Variants in NOP14 observed in about 807,000 individuals in gnomAD.
The protein encoded by NOP14 is NOP14 nucleolar protein, also known as nucleolar protein 14.
A neutral mutation model predicts 101.6 loss-of-function variants in NOP14; 57 were observed. The ratio of observed to expected loss-of-function variants is 0.56; its 90% CI spans 0.45 to 0.70. The LOEUF (loss-of-function observed/expected upper bound fraction) is 0.70, where lower values mean the gene tolerates loss of function less well. Among genes scored for constraint, NOP14 ranks in the 30% least tolerant of loss-of-function variants. The pLI, the probability that NOP14 is intolerant of heterozygous loss-of-function variation, is 0.00. For missense variants in NOP14, 1,134 were observed against 1,075.5 expected, an observed-to-expected ratio of 1.05 and a Z score of -0.76; for synonymous variants, 428 against 424.0, an observed-to-expected ratio of 1.01 and a Z score of -0.12.
chr4:2,941,433 T>G, intron 15 of NOP14, 149 bp downstream of exon 15: 1 of 707,930 alleles, frequency 1.4e-6, no homozygotes, highest in East Asian at 2.7e-5. Context: ...CCCACTCTTA[T>G]GATTTTACTT....
chr4:2,956,830 A>G lies in NOP14; in HGVS notation c.331-19T>C. ...GATGTCGCTGACAGAAGAGAAAAAA[A>G]GTTTCCTAAAATTACCACTTCCATT... On this transcript the variant is annotated intron_variant, in intron 2 of 17. Transcript: ENST00000416614. The G allele has an allele frequency of 6.4e-7, 1 of 1,569,996 alleles. No individual in the cohort carries two copies.
chr4:2,947,101 G>C (rs1352948115), intron 10 of NOP14: 1 of 226,530 alleles, frequency 4.4e-6, no homozygotes, highest in African/African-American at 2.3e-5. Context: ...TCGCCCTGGC[G>C]GTCCCCATGC....
In NOP14 at chr4:2,954,488, C is replaced by T. The variant is rs776178707; in HGVS notation, c.548G>A (p.Arg183Gln). The T allele has an allele frequency of 3.7e-5, 60 of 1,614,016 alleles. No individual in the cohort carries two copies. In the Admixed American group the frequency reaches 7.3e-4, roughly 20 times the overall value. ...HKKTQQEGEE[R>Q]EKPKSRKELI... is the part of the protein sequence containing the mutation. ...CTCTTTCCGGGACTTCGGTTTCTCC[C>T]GCTCCTCGCCTTCCTGTTGAGTCTT... is the stretch of plus-strand genomic sequence containing the variant. Residue 183 changes from arginine to glutamine, a missense_variant, in exon 4 of 18, where the codon CGG becomes CAG. By Grantham distance (43) the Arg-to-Gln change is conservative (BLOSUM62 1). Transcript: ENST00000416614.
intron 1 of NOP14, among the ~76,000 whole-genome samples, chr4:2,958,308 A>G (rs1715487448): frequency 1.3e-5 from 2 of 152,196 alleles, no homozygotes; most frequent in Admixed American, 1.3e-4. Context: ...AGCAGCAACA[A>G]AAAAAGACCA....
chr4:2,948,371 T>C lies in NOP14; in HGVS notation c.1320A>G (p.Leu440=), dbSNP rs1714800174. Residue 440 remains leucine (L), a synonymous_variant, in exon 9 of 18, where the codon TTA becomes TTG. Transcript: ENST00000416614. ...ESYEELRSLL[L]GRSMEEQLLV... The stretch of plus-strand genomic sequence containing the variant: ...AAAGCTGCTCTTCCATCGATCTTCC[T>C]AACAACAGAGATCTCAGTTCCTCAT... The C allele has an allele frequency of 1.9e-6, 3 of 1,612,888 alleles. No individual in the cohort carries two copies. Among genetic ancestry groups the C allele is most frequent in the South Asian group, 2.2e-5 (2 of 90,896 alleles).
At position 2,939,621 on chromosome 4, in the gene NOP14, C is replaced by G. The variant is rs763045306; in HGVS notation, c.2224G>C (p.Glu742Gln). Residue 742 changes from glutamate (E) to glutamine (Q), a missense_variant, in exon 16 of 18, where the codon GAA (glutamate) becomes CAA (glutamine). Physicochemically the swap from Glu to Gln is conservative, Grantham distance 29. Transcript: ENST00000416614. ...LQELCQSTLT[E>Q]MESQKQLCRP... The stretch of plus-strand genomic sequence containing the variant: ...CAGAGCTGCTTCTGGCTTTCCATTT[C>G]GGTCAGTGTGCTCTGACACAGCTCC... 3 of 1,613,712 alleles carry G rather than the reference C, an allele frequency of 1.9e-6. No homozygotes were observed. The East Asian group carries it at 6.7e-5, about 36-fold the overall frequency.
rs116332552 is a variant in NOP14, at chr4:2,945,003, C to A, written c.1737+125G>T. ...TTAGATGGGCCCTCTTTGGCCTAAC[C>A]GCAGTGCTCGGTCTCTGCAGCCCTT... On this transcript the variant is annotated intron_variant, in intron 12 of 17. Transcript: ENST00000416614. The A allele has an allele frequency of 1.5e-5, 10 of 649,166 alleles. No individual in the cohort carries two copies. In the East Asian group the frequency reaches 1.7e-4, roughly 11 times the overall value. The allele number at this position is 649,166 out of a possible 1,614,324, so 40.2% of individuals were successfully genotyped here.
chr4:2,946,737 C>T (rs1714672461), intron 10 of NOP14, 190 bp from the exon 11 acceptor site: 4 of 586,020 alleles, frequency 6.8e-6, no homozygotes, highest in Non-Finnish European at 1.2e-5. Context: ...TCGGCCATAA[C>T]ATTATGGACT....
chr4:2,948,701 T>G, intron 8 of NOP14, among the ~76,000 whole-genome samples: 1 of 152,190 alleles, frequency 6.6e-6, no homozygotes, highest in East Asian at 1.9e-4. Context: ...GTGATCCGCC[T>G]GCCTAGGCCT....
chr4:2,952,124 A>AAAT, intron 6 of NOP14, 151 bp downstream of exon 6: 1 of 636,346 alleles, frequency 1.6e-6, no homozygotes, highest in Non-Finnish European at 2.4e-6. Context: ...AAAAAAAAAA[A>AAAT]GGTATTCATG....
Position 2,961,147 on chromosome 4 carries a change from A to T in NOP14, c.195+1978T>A, listed in dbSNP as rs1258093873. Among the ~76,000 whole-genome samples, 226 of 77,380 alleles carry T rather than the reference A, an allele frequency of 2.9e-3. 5 individuals are homozygous for T. Among genetic ancestry groups the T allele is most frequent in the African/African-American group, 0.012 (198 of 16,684 alleles). The allele number at this position is 77,380 out of a possible 152,430, so 50.8% of individuals were successfully genotyped here. On this transcript the variant is annotated intron_variant, in intron 1 of 17. Coordinates refer to ENST00000416614, the MANE Select transcript of NOP14 (RefSeq NM_001291978.2). ...ATTATAATAATATATTAATATACTA[A>T]TATAATAATATATTAATATGCTATT...
At chr4:2,947,384 G>C (rs1714729598) in intron 10 of NOP14, 142 bp downstream of exon 10, 1 of 655,972 alleles carries the variant, frequency 1.5e-6, no homozygotes, top group Non-Finnish European at 2.7e-6. Flanking sequence ...ACAAGCCCTG[G>C]GTGACCACCT....
chr4:2,955,481 A>C (rs1715291086), intron 3 of NOP14, among the ~76,000 whole-genome samples: 1 of 129,168 alleles, frequency 7.7e-6, no homozygotes, highest in African/African-American at 3.0e-5. Flanking sequence ...CCTGCACGCC[A>C]CGGCGCCCCC....
chr4:2,945,063 G>T, intron 12 of NOP14, 65 bp downstream of exon 12: 1 of 1,140,050 alleles, frequency 8.8e-7, no homozygotes, highest in African/African-American at 1.5e-5. Flanking sequence ...AGGCCCCGAG[G>T]GGCTGTGGCT....
Position 2,946,362 on chromosome 4 carries a change from C to T in NOP14, c.1635+50G>A. 2.5e-6 allele frequency: 4 copies of T among 1,607,498 alleles called. No homozygotes were observed. The South Asian group carries it at 4.4e-5, about 18-fold the overall frequency. ...ACCCGTCGTCCACCTTCTGTGATGC[C>T]AAACAGAACTTCTGTGGCAGGGGCA... On this transcript the variant is annotated intron_variant, in intron 11 of 17. Transcript: ENST00000416614.
intron 1 of NOP14, among the ~76,000 whole-genome samples, chr4:2,959,852 C>T (rs1001846100): frequency 1.3e-5 from 2 of 152,180 alleles, no homozygotes; most frequent in Admixed American, 1.3e-4. Context: ...AAAACAACAT[C>T]TCACTATTTA....
intron 14 of NOP14, 68 bp downstream of exon 14, chr4:2,942,124 C>A: frequency 1.3e-6 from 2 of 1,495,518 alleles, no homozygotes; most frequent in Non-Finnish European, 1.8e-6. Flanking sequence ...TCAGAAAGCA[C>A]GAGTGGCTTC....
At chr4:2,952,172 T>A (rs1715067553) in intron 6 of NOP14, 103 bp downstream of exon 6, 4 of 1,174,368 alleles carry the variant, frequency 3.4e-6, no homozygotes, top group Non-Finnish European at 4.7e-6. Flanking sequence ...AATATTCCAC[T>A]GATCAAACAG....
At position 2,960,955 on chromosome 4, in the gene NOP14, TTAA is replaced by T. The variant is rs1439817606; in HGVS notation, c.195+2167_195+2169del. Among the ~76,000 whole-genome samples, 4 of 4,458 alleles carry T rather than the reference TTAA, an allele frequency of 9.0e-4. 1 individual carries two copies. The highest frequency in any genetic ancestry group is 1.5e-3 in the Non-Finnish European group (4 of 2,596). 2.9% of individuals were successfully genotyped at this position (4,458 alleles called of 152,430 possible). Reference sequence around the variant, plus strand: ...TTAATATTATATCAATATTATTATATTAATATTATATCAATATTATATTAATAT... The same window carrying T: ...TTAATATTATATCAATATTATTATATTATTATATCAATATTATATTAATAT... On this transcript the variant is annotated intron_variant, in intron 1 of 17. Coordinates refer to ENST00000416614, the MANE Select transcript of NOP14 (RefSeq NM_001291978.2).
Sources: allele counts gnomAD v4.1 joint callset (sites outside exome capture counted in the v4.1 genomes callset), GRCh38; gene constraint gnomAD v4.1.1; transcripts MANE v1.5; gene names NCBI Gene and HGNC (gene_info 2026-07-23, HGNC 2026-07-21).